DDI2: variants seen among roughly 807,000 people sequenced by gnomAD.
DDI2 encodes protein DDI1 homolog 2.
Under a neutral mutation model 48.1 loss-of-function variants are expected in DDI2, and 5 were observed. That is an observed-to-expected ratio of 0.10 (90% CI 0.05 to 0.22). The LOEUF (loss-of-function observed/expected upper bound fraction) is 0.22, where lower values mean the gene tolerates loss of function less well. DDI2 is among the 10% of genes least tolerant of loss of function. The pLI is 1.00. For synonymous variants in DDI2, 205 were observed against 183.6 expected (o/e 1.12, Z -0.94); for missense variants, 285 against 506.2 (o/e 0.56, Z 4.19).
chr1:15,641,388 C>T (rs544619539), intron 5 of DDI2, among the ~76,000 whole-genome samples: 2 of 151,996 alleles, frequency 1.3e-5, no homozygotes, highest in South Asian at 4.2e-4. Flanking sequence ...AGGACAATAG[C>T]CTGAACCTGG....
chr1:15,642,042 A>G (rs1345268192), intron 5 of DDI2, among the ~76,000 whole-genome samples: 1 of 152,168 alleles, frequency 6.6e-6, no homozygotes, highest in Non-Finnish European at 1.5e-5. Flanking sequence ...TGAGAGAAGA[A>G]AGACTAGGAG....
intron 1 of DDI2, among the ~76,000 whole-genome samples, chr1:15,618,110 C>T (rs1639593833): frequency 6.6e-6 from 1 of 152,206 alleles, no homozygotes; most frequent in Non-Finnish European, 1.5e-5. Flanking sequence ...ACCTTTGGCT[C>T]TTTGGCCCTT....
intron 5 of DDI2, among the ~76,000 whole-genome samples, chr1:15,642,980 T>C (rs929209502): frequency 1.3e-5 from 2 of 152,036 alleles, no homozygotes; most frequent in Non-Finnish European, 2.9e-5. Context: ...GGCAGGAGAA[T>C]GGTGTGAACC....
chr1:15,651,491 G>T (rs1028103309), intron 7 of DDI2, among the ~76,000 whole-genome samples: 5 of 152,024 alleles, frequency 3.3e-5, no homozygotes, highest in Admixed American at 3.3e-4. Context: ...GTTAATTTTT[G>T]TATTTTTAGT....
At position 15,648,090 on chromosome 1, in the gene DDI2, T is replaced by C. The variant is rs147364921; in HGVS notation, c.890-1630T>C. Among the ~76,000 whole-genome samples, 137 of 152,334 alleles carry C rather than the reference T, an allele frequency of 9.0e-4. 2 individuals carry two copies. In the East Asian group the frequency reaches 0.023, roughly 25 times the overall value. ...CTTTTGAAATATGTATGTCTGTTTA[T>C]TAGGGTCTTTGTGTTTCTCTTATTG... On this transcript the variant is annotated intron_variant, in intron 6 of 9. Coordinates refer to ENST00000480945, the MANE Select transcript of DDI2 (RefSeq NM_032341.5).
At position 15,660,157 on chromosome 1, in the gene DDI2, A is replaced by T; in HGVS notation, c.*367A>T. 6.2e-7 allele frequency: 1 copy of T among 1,614,246 alleles called. No individual in the cohort carries two copies. Among genetic ancestry groups the T allele is most frequent in the Non-Finnish European group, 8.5e-7 (1 of 1,180,048 alleles). The stretch of plus-strand genomic sequence containing the variant: ...AACAGACCAGAGTCCAGCTATGCCT[A>T]TGCAGAATTCATCCGAAGAAATAAC... On this transcript the variant is annotated 3_prime_UTR_variant, in exon 10 of 10. Coordinates refer to ENST00000480945, the MANE Select transcript of DDI2 (RefSeq NM_032341.5).
Position 15,649,949 on chromosome 1 carries a change from C to T in DDI2, c.993+126C>T, listed in dbSNP as rs997310352. ...AACGACTTTTCAAACCTGGAAATGTCCTTAAATTATGTTGCTATACAGAGG... is the reference window on the plus strand; with the variant it reads ...AACGACTTTTCAAACCTGGAAATGTTCTTAAATTATGTTGCTATACAGAGG... On this transcript the variant is annotated intron_variant, in intron 7 of 9. Coordinates refer to ENST00000480945, the MANE Select transcript of DDI2 (RefSeq NM_032341.5). 7.9e-6 allele frequency: 7 copies of T among 884,636 alleles called. No individual in the cohort carries two copies. The African/African-American group carries it at 1.0e-4, about 13-fold the overall frequency. The allele number at this position is 884,636 out of a possible 1,614,324, so 54.8% of individuals were successfully genotyped here.
intron 5 of DDI2, among the ~76,000 whole-genome samples, chr1:15,639,490 G>A (rs1639974766): frequency 6.6e-6 from 1 of 152,110 alleles, no homozygotes; most frequent in Admixed American, 6.6e-5. Context: ...ATTTTTTAAA[G>A]AGAGGGTCTC....
At position 15,660,900 on chromosome 1, in the gene DDI2, A is replaced by C. The variant is rs774295778; in HGVS notation, c.*1110A>C. 4 of 1,614,006 alleles carry C rather than the reference A, an allele frequency of 2.5e-6. No homozygotes were observed. The South Asian group carries it at 4.4e-5, about 18-fold the overall frequency. ...GCAGTTGTCAGCCTTCTGTGGAGTC[A>C]GCAGAAGAATCTTGCCCGTCTATAA... On this transcript the variant is annotated 3_prime_UTR_variant, in exon 10 of 10. Coordinates refer to ENST00000480945, the MANE Select transcript of DDI2 (RefSeq NM_032341.5).
At chr1:15,627,595 C>T (rs1056328717) in intron 2 of DDI2, among the ~76,000 whole-genome samples, 4 of 152,124 alleles carry the variant, frequency 2.6e-5, no homozygotes, top group Admixed American at 2.0e-4. Flanking sequence ...TGTGTGTGTG[C>T]ACTGGATAGA....
chr1:15,636,004 C>G (rs1051811649), intron 4 of DDI2, among the ~76,000 whole-genome samples: 3 of 152,156 alleles, frequency 2.0e-5, no homozygotes, highest in African/African-American at 7.2e-5. Flanking sequence ...TCATATTTGC[C>G]TAAAGGAAGG....
chr1:15,629,824 C>G lies in DDI2; in HGVS notation c.269-501C>G, dbSNP rs182144286. ...TCGGCTCACTGCAACCTCCACCTCC[C>G]GGGTTCAGGTGATTCTTCTGCCTCA... On this transcript the variant is annotated intron_variant, in intron 2 of 9. Transcript: ENST00000480945. 4.6e-5 allele frequency among the ~76,000 whole-genome samples: 7 copies of G among 151,606 alleles called. No homozygotes were observed. In the South Asian group the frequency reaches 1.5e-3, roughly 32 times the overall value.
At position 15,629,351 on chromosome 1, in the gene DDI2, T is replaced by A. The variant is rs1016435042; in HGVS notation, c.269-974T>A. ...TGGCTCACACTTATAATCCCAGCAC[T>A]TTGGGAGGCTGAGGTGGGTGGATCA... On this transcript the variant is annotated intron_variant, in intron 2 of 9. Coordinates refer to ENST00000480945, the MANE Select transcript of DDI2 (RefSeq NM_032341.5). Among the ~76,000 whole-genome samples the A allele has an allele frequency of 1.3e-5, 2 of 152,108 alleles. 1 individual carries two copies. The highest frequency in any genetic ancestry group is 2.9e-5 in the Non-Finnish European group (2 of 68,020).
chr1:15,656,405 C>T (rs932462012), intron 8 of DDI2: 10 of 1,413,064 alleles, frequency 7.1e-6, no homozygotes, highest in Non-Finnish European at 9.3e-6. Flanking sequence ...TATTAAAAAT[C>T]TGTTGAAATT....
chr1:15,619,335 A>G (rs574783604), intron 1 of DDI2, among the ~76,000 whole-genome samples: 29 of 151,868 alleles, frequency 1.9e-4, no homozygotes, highest in African/African-American at 5.6e-4. Flanking sequence ...CATGTTGACC[A>G]GGCTGATTTC....
intron 1 of DDI2, among the ~76,000 whole-genome samples, chr1:15,618,590 G>T (rs1434900858): frequency 6.6e-6 from 1 of 152,200 alleles, no homozygotes; most frequent in African/African-American, 2.4e-5. Context: ...CCTAGTATCA[G>T]TGCTGTTTGG....
intron 1 of DDI2, among the ~76,000 whole-genome samples, chr1:15,620,677 T>G (rs1421172450): frequency 6.6e-6 from 1 of 152,246 alleles, no homozygotes; most frequent in Non-Finnish European, 1.5e-5. Context: ...CAGATTATGC[T>G]TCTGTTATGT....
intron 4 of DDI2, among the ~76,000 whole-genome samples, chr1:15,635,759 A>G (rs1457734275): frequency 6.6e-6 from 1 of 152,174 alleles, no homozygotes; most frequent in Non-Finnish European, 1.5e-5. Flanking sequence ...CTCTCTACAT[A>G]TGGACCCCAG....
At chr1:15,622,550 C>T (rs1421552336) in intron 1 of DDI2, among the ~76,000 whole-genome samples, 4 of 152,130 alleles carry the variant, frequency 2.6e-5, no homozygotes, top group Non-Finnish European at 5.9e-5. Context: ...AGACTCATAG[C>T]TGTATACATT....
Sources: gnomAD v4.1 joint callset for allele counts (sites outside exome capture counted in the v4.1 genomes callset) on GRCh38, gnomAD v4.1.1 for gene constraint, MANE v1.5 for transcripts, NCBI Gene and HGNC (gene_info 2026-07-23, HGNC 2026-07-21) for gene names.